The following POFUT3 variants were observed in gnomAD, a reference collection of about 807,000 sequenced individuals.
The protein encoded by POFUT3 is protein O-fucosyltransferase 3.
At chr8:33,325,727 T>C in the POFUT3 span, among the ~76,000 whole-genome samples, 22 of 152,244 alleles carry the variant, frequency 1.4e-4, no homozygotes, top group Middle Eastern at 3.4e-3. Flanking sequence ...TCCTCAAGTA[T>C]TGGGAGAAGG....
At chr8:33,340,803 T>C in the POFUT3 span, among the ~76,000 whole-genome samples, 1 of 151,978 alleles carries the variant, frequency 6.6e-6, no homozygotes, top group African/African-American at 2.4e-5. Flanking sequence ...CAAAAACACA[T>C]AGAACTGAAA....
the POFUT3 span, among the ~76,000 whole-genome samples, chr8:33,379,131 T>C: frequency 1.3e-5 from 2 of 152,054 alleles, no homozygotes; most frequent in Non-Finnish European, 2.9e-5. Flanking sequence ...TGTGTTTGTT[T>C]CCCCACTTTG....
chr8:33,440,765 A>G, the POFUT3 span, among the ~76,000 whole-genome samples: 54 of 152,280 alleles, frequency 3.5e-4, no homozygotes, highest in East Asian at 9.6e-3. Flanking sequence ...CTTCATTTCC[A>G]TGATCAGTAC....
the POFUT3 span, among the ~76,000 whole-genome samples, chr8:33,373,497 C>T: frequency 2.0e-5 from 3 of 152,114 alleles, no homozygotes; most frequent in Admixed American, 6.5e-5. Flanking sequence ...GCTTGGTCCA[C>T]GCTCAGTCTT....
chr8:33,324,991 C>G, the POFUT3 span, among the ~76,000 whole-genome samples: 2 of 152,204 alleles, frequency 1.3e-5, no homozygotes, highest in East Asian at 3.9e-4. Context: ...AACCTTCCTT[C>G]AACAATACTG....
At chr8:33,394,236 G>T in the POFUT3 span, 4 of 205,574 alleles carry the variant, frequency 1.9e-5, no homozygotes, top group Non-Finnish European at 4.0e-5. Flanking sequence ...TCTGCCAAAG[G>T]TGGTGATTCT....
the POFUT3 span, among the ~76,000 whole-genome samples, chr8:33,362,891 G>T: frequency 2.0e-5 from 3 of 152,056 alleles, no homozygotes; most frequent in Non-Finnish European, 4.4e-5. Flanking sequence ...GGATATCCAG[G>T]ACTTGAATTC....
At chr8:33,428,493 G>T in the POFUT3 span, among the ~76,000 whole-genome samples, 1 of 152,182 alleles carries the variant, frequency 6.6e-6, no homozygotes, top group African/African-American at 2.4e-5. Context: ...CCCCAAAACA[G>T]ATGGATGCTT....
chr8:33,401,228 C>T, the POFUT3 span, among the ~76,000 whole-genome samples: 3 of 152,110 alleles, frequency 2.0e-5, no homozygotes, highest in East Asian at 1.9e-4. Flanking sequence ...TCAGGTGATC[C>T]GCCCACCTCA....
At chr8:33,363,633 T>A in the POFUT3 span, among the ~76,000 whole-genome samples, 1 of 152,158 alleles carries the variant, frequency 6.6e-6, no homozygotes, top group Non-Finnish European at 1.5e-5. Flanking sequence ...CAGAGAATAC[T>A]ATAAACACCT....
At chr8:33,387,630 C>A in the POFUT3 span, among the ~76,000 whole-genome samples, 1 of 152,034 alleles carries the variant, frequency 6.6e-6, no homozygotes, top group Non-Finnish European at 1.5e-5. Flanking sequence ...ATGGTGAAAC[C>A]CCGTCTCTAC....
At chr8:33,432,954 C>T in the POFUT3 span, among the ~76,000 whole-genome samples, 1 of 152,080 alleles carries the variant, frequency 6.6e-6, no homozygotes, top group Non-Finnish European at 1.5e-5. Flanking sequence ...TTCATTGAGG[C>T]CAGGCACAGT....
chr8:33,362,640 A>G, the POFUT3 span, among the ~76,000 whole-genome samples: 1 of 152,120 alleles, frequency 6.6e-6, no homozygotes, highest in Non-Finnish European at 1.5e-5. Context: ...GATAAAACAG[A>G]CTTTAAACCA....
chr8:33,364,527 C>T, the POFUT3 span, among the ~76,000 whole-genome samples: 2 of 152,154 alleles, frequency 1.3e-5, no homozygotes, highest in Admixed American at 6.5e-5. Context: ...AAAACCCTAT[C>T]GTCTCAGCCC....
chr8:33,418,428 T>G, the POFUT3 span, among the ~76,000 whole-genome samples: 13 of 151,106 alleles, frequency 8.6e-5, no homozygotes, highest in Non-Finnish European at 1.3e-4. Flanking sequence ...TTTTTTTTTT[T>G]TTGAGATGGG....
chr8:33,408,620 A>G, the POFUT3 span, among the ~76,000 whole-genome samples: 1 of 152,130 alleles, frequency 6.6e-6, no homozygotes, highest in African/African-American at 2.4e-5. Flanking sequence ...AAGGCTGGAA[A>G]TCTCTTGATT....
chr8:33,351,080 G>T, the POFUT3 span, among the ~76,000 whole-genome samples: 2 of 151,960 alleles, frequency 1.3e-5, no homozygotes, highest in Admixed American at 1.3e-4. Context: ...TCAGCCTCCC[G>T]AGTACCTGGG....
chr8:33,381,608 A>T, the POFUT3 span, among the ~76,000 whole-genome samples: 1 of 152,330 alleles, frequency 6.6e-6, no homozygotes, highest in South Asian at 2.1e-4. Context: ...TTTAGTACCA[A>T]AGGATGTCTT....
chr8:33,363,925 C>T, the POFUT3 span, among the ~76,000 whole-genome samples: 2 of 152,176 alleles, frequency 1.3e-5, no homozygotes, highest in Non-Finnish European at 2.9e-5. Flanking sequence ...TTTTATGAGG[C>T]TAACATCATC....
Sources: allele counts gnomAD v4.1 joint callset (sites outside exome capture counted in the v4.1 genomes callset), GRCh38; gene constraint gnomAD v4.1.1; transcripts MANE v1.5; gene names NCBI Gene and HGNC (gene_info 2026-07-23, HGNC 2026-07-21).